Variants in INPP4B observed in about 807,000 individuals in gnomAD.
The protein encoded by INPP4B is inositol polyphosphate-4-phosphatase type II B.
A neutral mutation model predicts 122.5 loss-of-function variants in INPP4B; 55 were observed. The ratio of observed to expected loss-of-function variants is 0.45; its 90% CI spans 0.36 to 0.56. The LOEUF is 0.56. INPP4B is among the 20% of genes least tolerant of loss of function. The pLI, the probability that INPP4B is intolerant of heterozygous loss-of-function variation, is 0.00. For missense variants in INPP4B, 1,000 were observed against 1,097.7 expected, an observed-to-expected ratio of 0.91 and a Z score of 1.26; for synonymous variants, 403 against 388.7, an observed-to-expected ratio of 1.04 and a Z score of -0.43.
At chr4:142,276,487 T>C (rs1296493840) in intron 9 of INPP4B, among the ~76,000 whole-genome samples, 1 of 151,832 alleles carries the variant, frequency 6.6e-6, no homozygotes, top group Non-Finnish European at 1.5e-5. Flanking sequence ...AAGCCCTTGG[T>C]TATAGTGCTG....
intron 2 of INPP4B, among the ~76,000 whole-genome samples, chr4:142,580,328 T>C (rs1734803132): frequency 6.6e-6 from 1 of 151,992 alleles, no homozygotes; most frequent in South Asian, 2.1e-4. Context: ...TGTTAGGTAC[T>C]TAGTATCTGT....
intron 17 of INPP4B, among the ~76,000 whole-genome samples, chr4:142,158,451 A>G (rs1818367962): frequency 2.0e-5 from 3 of 152,116 alleles, no homozygotes; most frequent in Admixed American, 1.3e-4. Flanking sequence ...GGTACTCAGT[A>G]ACACTGACTG....
chr4:142,064,119 C>T (rs1251608888), intron 25 of INPP4B, among the ~76,000 whole-genome samples: 2 of 152,134 alleles, frequency 1.3e-5, no homozygotes, highest in South Asian at 2.1e-4. Context: ...AATAATTCAA[C>T]CTTCAAGACT....
chr4:142,710,722 C>G (rs1763018710), intron 2 of INPP4B, among the ~76,000 whole-genome samples: 1 of 152,162 alleles, frequency 6.6e-6, no homozygotes, highest in Admixed American at 6.5e-5. Flanking sequence ...TTAGTAACTC[C>G]ACTAAAACTA....
At chr4:142,568,946 CT>C (rs1451012801) in intron 2 of INPP4B, among the ~76,000 whole-genome samples, 1 of 152,014 alleles carries the variant, frequency 6.6e-6, no homozygotes, top group Non-Finnish European at 1.5e-5. Context: ...AAGACTTAAC[CT>C]TTTCAAATGT....
At chr4:142,144,352 G>A (rs1257005097) in intron 18 of INPP4B, among the ~76,000 whole-genome samples, 1 of 151,594 alleles carries the variant, frequency 6.6e-6, no homozygotes, top group Non-Finnish European at 1.5e-5. Flanking sequence ...AAAATCCAGT[G>A]TCCCTTATCT....
chr4:142,460,292 T>C (rs1816431177), intron 3 of INPP4B, among the ~76,000 whole-genome samples: 1 of 152,178 alleles, frequency 6.6e-6, no homozygotes, highest in Non-Finnish European at 1.5e-5. Flanking sequence ...TCACCATTGC[T>C]TTTATTCTGA....
chr4:142,738,159 T>C (rs1477600717), intron 1 of INPP4B, among the ~76,000 whole-genome samples: 2 of 152,120 alleles, frequency 1.3e-5, no homozygotes, highest in Non-Finnish European at 2.9e-5. Flanking sequence ...CACATGCACA[T>C]GTATGTTTAC....
At chr4:142,491,640 G>C (rs540953386) in intron 2 of INPP4B, among the ~76,000 whole-genome samples, 116 of 152,298 alleles carry the variant, frequency 7.6e-4, no homozygotes, top group South Asian at 6.2e-4. Context: ...CTGGGCAACA[G>C]AGTGAGACTT....
chr4:142,578,514 T>C (rs1462620404), intron 2 of INPP4B, among the ~76,000 whole-genome samples: 1 of 151,984 alleles, frequency 6.6e-6, no homozygotes, highest in Non-Finnish European at 1.5e-5. Context: ...GGCTTATAGA[T>C]GGCTGTCTTC....
At chr4:142,573,488 A>C (rs796650273) in intron 2 of INPP4B, among the ~76,000 whole-genome samples, 12 of 152,268 alleles carry the variant, frequency 7.9e-5, no homozygotes, top group African/African-American at 2.6e-4. Flanking sequence ...TAGCTCAAAG[A>C]AGAAAATTCA....
chr4:142,190,749 C>T (rs868128229), intron 15 of INPP4B, among the ~76,000 whole-genome samples: 29 of 125,272 alleles, frequency 2.3e-4, no homozygotes, highest in African/African-American at 5.7e-4. Context: ...TGTGTGTGCG[C>T]GTGTGTGTTG....
chr4:142,513,483 C>G (rs1236827974), intron 2 of INPP4B, among the ~76,000 whole-genome samples: 1 of 152,060 alleles, frequency 6.6e-6, no homozygotes, highest in African/African-American at 2.4e-5. Flanking sequence ...TCTCGGCTCA[C>G]TGCAACCTCC....
chr4:142,057,132 A>ACAATGGGAG (rs1553959652), intron 25 of INPP4B, among the ~76,000 whole-genome samples: 1 of 151,704 alleles, frequency 6.6e-6, no homozygotes, highest in Non-Finnish European at 1.5e-5. Context: ...GGAAGTAATT[A>ACAATGGGAG]CATTGGGAGA....
chr4:142,107,384 C>A (rs1001354132), intron 23 of INPP4B, among the ~76,000 whole-genome samples: 2 of 152,078 alleles, frequency 1.3e-5, no homozygotes, highest in Non-Finnish European at 2.9e-5. Flanking sequence ...TTTATTAAAA[C>A]TTAGCTTCTT....
intron 12 of INPP4B, 149 bp downstream of exon 12, chr4:142,237,715 G>A: frequency 2.1e-6 from 1 of 466,782 alleles, no homozygotes; most frequent in Admixed American, 3.7e-5. Flanking sequence ...AGTACGTGAG[G>A]TAAGGCAAAT....
rs999179967 is a variant in INPP4B, at chr4:142,209,086, C to G, written c.837-60G>C. ...TTATCTTAAATCCATAAACGCATAA[C>G]CCTTAGTCAGAGTTGTCAAGATAAT... On this transcript the variant is annotated intron_variant, in intron 12 of 25. Transcript: ENST00000262992. 7 of 1,266,146 alleles carry G rather than the reference C, an allele frequency of 5.5e-6. No individual in the cohort carries two copies. In the African/African-American group the frequency reaches 1.0e-4, roughly 19 times the overall value. 78.4% of individuals were successfully genotyped at this position (1,266,146 alleles called of 1,614,324 possible).
intron 2 of INPP4B, among the ~76,000 whole-genome samples, chr4:142,598,908 G>A (rs896454195): frequency 9.2e-5 from 14 of 152,306 alleles, no homozygotes; most frequent in African/African-American, 3.1e-4. Context: ...CCTGTTTGGG[G>A]CTGGGAGTGC....
At chr4:142,048,434 G>A (rs1340367687) in intron 25 of INPP4B, among the ~76,000 whole-genome samples, 2 of 152,022 alleles carry the variant, frequency 1.3e-5, no homozygotes, top group Non-Finnish European at 2.9e-5. Flanking sequence ...GACTTGTGAT[G>A]TCCCCAGTTC....
Sources: allele counts gnomAD v4.1 joint callset (sites outside exome capture counted in the v4.1 genomes callset), GRCh38; gene constraint gnomAD v4.1.1; transcripts MANE v1.5; gene names NCBI Gene and HGNC (gene_info 2026-07-23, HGNC 2026-07-21).